The following FMN1 variants were observed in gnomAD, a reference collection of about 807,000 sequenced individuals.
The protein encoded by FMN1 is formin-1.
FMN1 carries 110 observed loss-of-function variants against 132.4 expected under a neutral mutation model. The observed-to-expected ratio is 0.83, with a 90% CI of 0.71 to 0.97. The LOEUF is 0.97. Ranked by LOEUF, FMN1 falls within the 50% of genes least tolerant of loss-of-function variation. FMN1 has a pLI of 0.00. For missense variants in FMN1, 1,792 were observed against 1,705.3 expected, an observed-to-expected ratio of 1.05 and a Z score of -0.90; for synonymous variants, 722 against 651.7, an observed-to-expected ratio of 1.11 and a Z score of -1.64.
At chr15:33,168,901 C>T (rs1965210469) in intron 3 of FMN1, among the ~76,000 whole-genome samples, 1 of 152,234 alleles carries the variant, frequency 6.6e-6, no homozygotes, top group Non-Finnish European at 1.5e-5. Flanking sequence ...ACCCAAAGGG[C>T]TTAGCATAAA....
chr15:33,133,675 A>G (rs979636516), intron 4 of FMN1, among the ~76,000 whole-genome samples: 1 of 152,240 alleles, frequency 6.6e-6, no homozygotes, highest in African/African-American at 2.4e-5. Flanking sequence ...CTAAAGCCAC[A>G]GGGGCATGTT....
intron 5 of FMN1, among the ~76,000 whole-genome samples, chr15:33,087,717 T>C (rs2038749665): frequency 1.3e-5 from 2 of 152,142 alleles, no homozygotes; most frequent in South Asian, 4.1e-4. Context: ...ATTAGCACAA[T>C]TTGCAATTGC....
At chr15:32,932,734 A>G (rs527558141) in intron 9 of FMN1, among the ~76,000 whole-genome samples, 3 of 152,254 alleles carry the variant, frequency 2.0e-5, no homozygotes, top group African/African-American at 7.2e-5. Flanking sequence ...GCTAGGTTGT[A>G]CATTTCTAGG....
At chr15:32,896,550 T>C (rs2060161760) in intron 15 of FMN1, among the ~76,000 whole-genome samples, 1 of 152,186 alleles carries the variant, frequency 6.6e-6, no homozygotes, top group Middle Eastern at 3.2e-3. Context: ...CTTACGTGAC[T>C]GAAACGCCGT....
rs2035221368 is a variant in FMN1, at chr15:33,018,663, T to TG, written c.2162-10589dup. On this transcript the variant is annotated intron_variant, in intron 6 of 20. Transcript: ENST00000616417. ...ATTGTGTCCGGAATTGGTGTGTTCT[T>TG]GGTCTCACTGACTTCAAGAATGAAG... is the stretch of plus-strand genomic sequence containing the variant. Among the ~76,000 whole-genome samples, 3 of 152,340 alleles carry TG rather than the reference T, an allele frequency of 2.0e-5. No individual in the cohort carries two copies. The South Asian group carries it at 6.2e-4, about 32-fold the overall frequency.
intron 9 of FMN1, among the ~76,000 whole-genome samples, chr15:32,929,764 CCT>C (rs1491162513): frequency 2.3e-5 from 3 of 128,854 alleles, no homozygotes; most frequent in African/African-American, 9.3e-5. Context: ...GACAAGATTT[CCT>C]TTTTTTTTTT....
At position 32,910,570 on chromosome 15, in the gene FMN1, A is replaced by G. The variant is rs574950816; in HGVS notation, c.3227-35T>C. ...ACCCAAAAAGAAAAGAGGATAAGGG[A>G]TTTGATTAGGTCCCCTGCACCAATG... On this transcript the variant is annotated intron_variant, in intron 10 of 20. Coordinates refer to ENST00000616417, the MANE Select transcript of FMN1 (RefSeq NM_001277313.2). 33 of 1,491,388 alleles carry G rather than the reference A, an allele frequency of 2.2e-5. No individual in the cohort carries two copies. The East Asian group carries it at 7.3e-4, about 33-fold the overall frequency. 92.4% of individuals were successfully genotyped at this position (1,491,388 alleles called of 1,614,324 possible). A position where few individuals can be genotyped will look rare whatever the true frequency, so the allele number is the denominator to read the frequency against.
chr15:32,968,905 G>A lies in FMN1; in HGVS notation c.2796C>T (p.Asn932=), dbSNP rs1216111918. 1 of 629,406 alleles carries A rather than the reference G, an allele frequency of 1.6e-6. No homozygotes were observed. Among genetic ancestry groups the A allele is most frequent in the South Asian group, 2.0e-5 (1 of 49,694 alleles). The allele number at this position is 629,406 out of a possible 1,614,324, so 39.0% of individuals were successfully genotyped here. The change falls in exon 8 of 21, where the codon AAC becomes AAT. Residue 932 remains asparagine, a synonymous_variant. Coordinates refer to ENST00000616417, the MANE Select transcript of FMN1 (RefSeq NM_001277313.2). ...CTCCAGGGTTGGGTGGGGCAGGGGA[G>A]TTAGGAAGTGGGGGTGGGGGTGGGG... ...PPPPPPPPLP[N]SPAPPNPGGP...
In FMN1 at chr15:32,820,349, G is replaced by A. The variant is rs188657184; in HGVS notation, c.3929-16017C>T. 2.8e-3 allele frequency among the ~76,000 whole-genome samples: 420 copies of A among 152,166 alleles called. 2 individuals carry two copies. The highest frequency in any genetic ancestry group is 9.8e-3 in the African/African-American group (407 of 41,526). On this transcript the variant is annotated intron_variant, in intron 17 of 20. Transcript: ENST00000616417. ...TTTTCTTTTAACTGCAAAGAGAGAG[G>A]CTTTAATTCTATTATGAAACTGAAA... is the stretch of plus-strand genomic sequence containing the variant.
intron 6 of FMN1, among the ~76,000 whole-genome samples, chr15:33,035,794 A>G (rs1193357288): frequency 6.6e-6 from 1 of 152,210 alleles, no homozygotes; most frequent in Non-Finnish European, 1.5e-5. Flanking sequence ...TCATGTTAAA[A>G]CATAGCCCAC....
chr15:33,180,907 C>T (rs574347168), intron 2 of FMN1, among the ~76,000 whole-genome samples: 8 of 152,124 alleles, frequency 5.3e-5, no homozygotes, highest in East Asian at 3.9e-4. Context: ...AGTGCTACCA[C>T]GCTCAGCTAA....
chr15:32,948,555 T>C (rs927310080), intron 9 of FMN1, among the ~76,000 whole-genome samples: 1 of 152,072 alleles, frequency 6.6e-6, no homozygotes, highest in Non-Finnish European at 1.5e-5. Context: ...TAATTAACCT[T>C]AATATTTACG....
intron 17 of FMN1, 126 bp downstream of exon 17, chr15:32,856,889 C>T: frequency 3.0e-6 from 2 of 666,840 alleles, no homozygotes; most frequent in East Asian, 5.2e-5. Flanking sequence ...GAAAGATGGG[C>T]TAATGAAATC....
intron 17 of FMN1, among the ~76,000 whole-genome samples, chr15:32,823,112 C>T (rs1023989610): frequency 6.6e-6 from 1 of 151,280 alleles, no homozygotes; most frequent in Non-Finnish European, 1.5e-5. Flanking sequence ...ACCCACGAGC[C>T]CCCATTCATG....
At chr15:33,086,299 C>G (rs1193060661) in intron 5 of FMN1, among the ~76,000 whole-genome samples, 1 of 125,468 alleles carries the variant, frequency 8.0e-6, no homozygotes, top group African/African-American at 3.0e-5. Flanking sequence ...GTTATAAAAT[C>G]TGGCATGCTT....
rs147197323 is a variant in FMN1 at position 33,107,736 on chromosome 15, G to C, written c.1868-18762C>G. ...CAAGCTCTCTAGTATTTTACCCATC[G>C]TACTTATCATTACCTGAAACTAAAT... is the stretch of plus-strand genomic sequence containing the variant. On this transcript the variant is annotated intron_variant, in intron 4 of 20. Transcript: ENST00000616417. 3.3e-5 allele frequency among the ~76,000 whole-genome samples: 5 copies of C among 152,062 alleles called. No individual in the cohort carries two copies. In the East Asian group the frequency reaches 9.7e-4, roughly 29 times the overall value.
At chr15:32,938,171 A>G (rs540162941) in intron 9 of FMN1, among the ~76,000 whole-genome samples, 1 of 152,172 alleles carries the variant, frequency 6.6e-6, no homozygotes, top group East Asian at 1.9e-4. Context: ...CAGTGCAGGC[A>G]GAGCCATTTC....
intron 5 of FMN1, among the ~76,000 whole-genome samples, chr15:33,084,516 T>C (rs940400274): frequency 2.0e-5 from 3 of 152,148 alleles, no homozygotes; most frequent in Non-Finnish European, 2.9e-5. Flanking sequence ...ATCGTGTCAA[T>C]TGAATTGTGG....
intron 7 of FMN1, among the ~76,000 whole-genome samples, chr15:32,977,979 C>T (rs1485548384): frequency 6.6e-6 from 1 of 151,968 alleles, no homozygotes. Flanking sequence ...GCCTCAGCCT[C>T]CCAAGAAGCT....
Sources: allele counts gnomAD v4.1 joint callset (sites outside exome capture counted in the v4.1 genomes callset), GRCh38; gene constraint gnomAD v4.1.1; transcripts MANE v1.5; gene names NCBI Gene and HGNC (gene_info 2026-07-23, HGNC 2026-07-21).